NPR3: variants seen among roughly 807,000 people sequenced by gnomAD.
The protein encoded by NPR3 is atrial natriuretic peptide receptor 3.
NPR3 carries 34 observed loss-of-function variants against 54.5 expected under a neutral mutation model. The ratio of observed to expected loss-of-function variants is 0.62; its 90% CI spans 0.47 to 0.83. The LOEUF (loss-of-function observed/expected upper bound fraction) is 0.83. Among genes scored for constraint, NPR3 ranks in the 40% least tolerant of loss-of-function variants. The pLI is 0.00. For synonymous variants in NPR3, 289 were observed against 297.1 expected (o/e 0.97, Z 0.28); for missense variants, 674 against 720.8 (o/e 0.94, Z 0.74).
intron 2 of NPR3, among the ~76,000 whole-genome samples, chr5:32,728,292 G>A (rs557769459): frequency 9.2e-5 from 14 of 151,846 alleles, no homozygotes; most frequent in Non-Finnish European, 1.3e-4. Context: ...GTGAAACCCC[G>A]TCTCTACTAA....
At chr5:32,767,119 A>G (rs1339439115) in intron 3 of NPR3, among the ~76,000 whole-genome samples, 1 of 152,256 alleles carries the variant, frequency 6.6e-6, no homozygotes, top group East Asian at 1.9e-4. Context: ...CTCTCACAGC[A>G]TACATGCTCA....
chr5:32,728,722 C>A (rs1423020735), intron 2 of NPR3, among the ~76,000 whole-genome samples: 1 of 150,134 alleles, frequency 6.7e-6, no homozygotes, highest in Non-Finnish European at 1.5e-5. Flanking sequence ...ATATAAAAAA[C>A]TTGCAAAAAA....
At chr5:32,775,058 C>G (rs544764988) in intron 4 of NPR3, among the ~76,000 whole-genome samples, 1 of 152,166 alleles carries the variant, frequency 6.6e-6, no homozygotes, top group Admixed American at 6.6e-5. Context: ...AAGGCCTTGT[C>G]TCCTGATTAT....
rs1579665326 is a variant in NPR3 at position 32,757,718 on chromosome 5, T to C, written c.1060-16990T>C. On this transcript the variant is annotated intron_variant, in intron 3 of 7. Transcript: ENST00000265074. ...ATGCTTCCAGTTTTTGTCCATTCAG[T>C]ATGATATTGGCTGTGGGTTTGTCAT... Among the ~76,000 whole-genome samples the C allele has an allele frequency of 3.3e-5, 5 of 152,358 alleles. 1 individual carries two copies. The highest frequency in any genetic ancestry group is 3.3e-4 in the Admixed American group (5 of 15,296).
chr5:32,750,671 A>G (rs1740529621), intron 3 of NPR3, among the ~76,000 whole-genome samples: 1 of 152,112 alleles, frequency 6.6e-6, no homozygotes, highest in African/African-American at 2.4e-5. Context: ...CAGGGGAAAG[A>G]GAGACAGGAT....
intron 3 of NPR3, among the ~76,000 whole-genome samples, chr5:32,746,757 A>G (rs1177329464): frequency 1.3e-5 from 2 of 152,176 alleles, no homozygotes; most frequent in African/African-American, 4.8e-5. Context: ...CCTCTCAGTC[A>G]GCTTATTTGG....
intron 4 of NPR3, 141 bp downstream of exon 4, chr5:32,774,984 G>A (rs1741967870): frequency 1.5e-6 from 1 of 681,038 alleles, no homozygotes; most frequent in Non-Finnish European, 2.6e-6. Flanking sequence ...TCATAGGCTT[G>A]TTGTACCAAT....
rs896245695 is a variant in NPR3, at chr5:32,759,742, A to G, written c.1060-14966A>G. Among the ~76,000 whole-genome samples, 32 of 152,306 alleles carry G rather than the reference A, an allele frequency of 2.1e-4. 1 individual carries two copies. The highest frequency in any genetic ancestry group is 4.6e-4 in the Admixed American group (7 of 15,302). On this transcript the variant is annotated intron_variant, in intron 3 of 7. Transcript: ENST00000265074. ...TTGGCATGTTTTTGCAGTGGCTGGT[A>G]GCAGTTGTTCCTTTCCATGTTTAGT...
At chr5:32,717,973 G>GT (rs1476582127) in intron 1 of NPR3, among the ~76,000 whole-genome samples, 3 of 152,076 alleles carry the variant, frequency 2.0e-5, no homozygotes, top group Non-Finnish European at 4.4e-5. Flanking sequence ...TTCTTCTAGG[G>GT]TTTTTTATGG....
At chr5:32,779,031 T>A (rs976078964) in intron 4 of NPR3, among the ~76,000 whole-genome samples, 2 of 152,160 alleles carry the variant, frequency 1.3e-5, no homozygotes, top group African/African-American at 2.4e-5. Flanking sequence ...GACAAAAAAA[T>A]CAAAGTGAAT....
chr5:32,699,421 C>T (rs966655775), intron 1 of NPR3, among the ~76,000 whole-genome samples: 8 of 151,906 alleles, frequency 5.3e-5, no homozygotes, highest in East Asian at 1.9e-4. Flanking sequence ...TTTTAAGCCC[C>T]GAATGCATTA....
At chr5:32,710,137 C>T (rs541749365), upstream of NPR3, 2 of 152,320 alleles carry the variant, frequency 1.3e-5, no homozygotes, top group South Asian at 4.2e-4. Flanking sequence ...CGATGCTCCT[C>T]TGGTCACGGA....
rs1169680277 is a variant in NPR3 at position 32,712,332 on chromosome 5, G to T, written c.556G>T (p.Glu186Ter). Residue 186 changes from glutamate to a stop codon, truncating the protein, a stop_gained, in exon 1 of 8, where the codon GAG becomes TAG. Transcript: ENST00000265074. LOFTEE classifies it high-confidence loss of function. Reference protein sequence around the residue: ...RVAPAYAKMGEMMLALFRHHH... With the variant: ...RVAPAYAKMG ...GGCGCCCGCCTACGCCAAGATGGGC[G>T]AGATGATGCTCGCCCTGTTCCGCCA... 6.2e-7 allele frequency: 1 copy of T among 1,613,344 alleles called. No individual in the cohort carries two copies. Among genetic ancestry groups the T allele is most frequent in the Non-Finnish European group, 8.5e-7 (1 of 1,179,682 alleles).
intron 2 of NPR3, among the ~76,000 whole-genome samples, chr5:32,730,570 G>T (rs1368315742): frequency 6.6e-6 from 1 of 152,130 alleles, no homozygotes; most frequent in Non-Finnish European, 1.5e-5. Flanking sequence ...TCTATGTAGA[G>T]AATCCCAAAT....
Position 32,711,849 on chromosome 5 carries a change from G to A in NPR3, c.73G>A (p.Gly25Ser), listed in dbSNP as rs530006350. ...CTGGGCGTTGCTGGCCGGCGGCACC[G>A]GTGGCGGTGGCGTTGGCGGCGGCGG... Reference protein sequence around the residue: ...LGWALLAGGTGGGGVGGGGGG... With the variant: ...LGWALLAGGTSGGGVGGGGGG... Residue 25 changes from glycine to serine, a missense_variant, in exon 1 of 8, where the codon GGT becomes AGT. By Grantham distance (56) the Gly-to-Ser change is moderately conservative. Coordinates refer to ENST00000265074, the MANE Select transcript of NPR3 (RefSeq NM_001204375.2). 2 of 1,462,358 alleles carry A rather than the reference G, an allele frequency of 1.4e-6. No individual in the cohort carries two copies. The highest frequency in any genetic ancestry group is 1.8e-6 in the Non-Finnish European group (2 of 1,109,240). 90.6% of individuals were successfully genotyped at this position (1,462,358 alleles called of 1,614,324 possible). A position where few individuals can be genotyped will look rare whatever the true frequency, so the allele number is the denominator to read the frequency against.
upstream of NPR3, among the ~76,000 whole-genome samples, chr5:32,707,620 G>A (rs1342851538): frequency 6.6e-6 from 1 of 152,092 alleles, no homozygotes; most frequent in Non-Finnish European, 1.5e-5. Flanking sequence ...GGCCTCAGAA[G>A]GTATTTTATT....
chr5:32,722,213 G>A (rs7706886), intron 1 of NPR3, among the ~76,000 whole-genome samples: 33,660 of 152,096 alleles, frequency 0.22, 3,995 homozygotes, highest in Middle Eastern at 0.35. Flanking sequence ...CTTGTCCTCT[G>A]GTCCTTGGAC....
chr5:32,779,072 G>C (rs914909521), intron 4 of NPR3, among the ~76,000 whole-genome samples: 2 of 152,114 alleles, frequency 1.3e-5, no homozygotes. Flanking sequence ...TGGTAAAGTA[G>C]ACCAAAGTCT....
chr5:32,759,233 G>A (rs537836346), intron 3 of NPR3, among the ~76,000 whole-genome samples: 1 of 152,258 alleles, frequency 6.6e-6, no homozygotes, highest in East Asian at 1.9e-4. Context: ...TATTGTGTGG[G>A]AGTCTAAGTC....
Sources: allele counts gnomAD v4.1 joint callset (sites outside exome capture counted in the v4.1 genomes callset), GRCh38; gene constraint gnomAD v4.1.1; transcripts MANE v1.5; gene names NCBI Gene and HGNC (gene_info 2026-07-23, HGNC 2026-07-21).